Variants in PM20D2 observed in about 807,000 individuals in gnomAD.
PM20D2 encodes peptidase M20 domain containing 2, also known as xaa-Arg dipeptidase.
A neutral mutation model predicts 42.9 loss-of-function variants in PM20D2; 33 were observed. That is an observed-to-expected ratio of 0.77 (90% confidence interval 0.58 to 1.03). PM20D2 has a LOEUF of 1.03. PM20D2 is among the 50% of genes least tolerant of loss of function. PM20D2 has a pLI of 0.00. For missense variants in PM20D2, 548 were observed against 557.0 expected (o/e 0.98, Z 0.16); for synonymous variants, 250 against 228.2 (o/e 1.10, Z -0.86).
At chr6:89,151,851 G>A (rs1179057765) in intron 2 of PM20D2, among the ~76,000 whole-genome samples, 3 of 152,164 alleles carry the variant, frequency 2.0e-5, no homozygotes, top group South Asian at 2.1e-4. Context: ...ACTTAGGGAC[G>A]TCAAGGCAGG....
the PM20D2 span, among the ~76,000 whole-genome samples, chr6:89,106,221 T>C: frequency 6.6e-6 from 1 of 152,124 alleles, no homozygotes; most frequent in Non-Finnish European, 1.5e-5. Flanking sequence ...CAAGAGATTC[T>C]CCCGCCTCAG....
intron 4 of PM20D2, among the ~76,000 whole-genome samples, chr6:89,155,758 G>A (rs1771025754): frequency 6.6e-6 from 1 of 152,154 alleles, no homozygotes; most frequent in African/African-American, 2.4e-5. Flanking sequence ...GCCCAGGCTG[G>A]AGCGCAGTGG....
the PM20D2 span, among the ~76,000 whole-genome samples, chr6:89,099,521 C>T: frequency 7.3e-6 from 1 of 137,904 alleles, no homozygotes; most frequent in African/African-American, 2.8e-5. Context: ...TATATACACA[C>T]ACACACACAC....
At chr6:89,141,340 G>A (rs1351680259), upstream of PM20D2, among the ~76,000 whole-genome samples, 1 of 152,014 alleles carries the variant, frequency 6.6e-6, no homozygotes, top group Non-Finnish European at 1.5e-5. Flanking sequence ...CTTGGACTTT[G>A]CAAGAGCCTT....
chr6:89,119,003 C>T, the PM20D2 span, among the ~76,000 whole-genome samples: 1 of 152,188 alleles, frequency 6.6e-6, no homozygotes, highest in East Asian at 1.9e-4. Context: ...CCAGGCAACT[C>T]CTAAGTGTGA....
the PM20D2 span, among the ~76,000 whole-genome samples, chr6:89,107,486 T>A: frequency 6.6e-6 from 1 of 152,120 alleles, no homozygotes; most frequent in Non-Finnish European, 1.5e-5. Flanking sequence ...TCCCAGCACT[T>A]TGGGGGACCA....
At chr6:89,099,538 G>GTTTT in the PM20D2 span, among the ~76,000 whole-genome samples, 1 of 126,234 alleles carries the variant, frequency 7.9e-6, no homozygotes, top group African/African-American at 3.2e-5. Context: ...ACACATACAT[G>GTTTT]TTTTTTTTTT....
chr6:89,131,685 T>C, the PM20D2 span, among the ~76,000 whole-genome samples: 1 of 152,284 alleles, frequency 6.6e-6, no homozygotes, highest in Non-Finnish European at 1.5e-5. Flanking sequence ...TTGGTAGAAC[T>C]CTGTGGTGGG....
At chr6:89,130,033 G>A in the PM20D2 span, among the ~76,000 whole-genome samples, 1 of 148,200 alleles carries the variant, frequency 6.7e-6, no homozygotes, top group East Asian at 1.9e-4. Flanking sequence ...ACTGTGCCTG[G>A]CTCTTCTCTT....
In PM20D2 at chr6:89,162,225, A is replaced by C; in HGVS notation, c.1273A>C (p.Lys425Gln). 6.2e-7 allele frequency: 1 copy of C among 1,614,062 alleles called. No individual in the cohort carries two copies. Among genetic ancestry groups the C allele is most frequent in the South Asian group, 1.1e-5 (1 of 91,042 alleles). ...LEGIREDFKLKLQEEQFVNAV... is the reference protein window; with the variant it reads ...LEGIREDFKLQLQEEQFVNAV... ...AGGAATCAGAGAGGACTTTAAACTG[A>C]AACTTCAAGAAGAACAGTTTGTAAA... The change falls in exon 7 of 7, where the codon AAA becomes CAA. Residue 425 changes from lysine (K) to glutamine (Q), a missense_variant. By Grantham distance (53) the Lys-to-Gln change is moderately conservative. This residue lies in a region of PM20D2 where 71 missense variants were observed against 69.7 expected (regional missense o/e 1.02). Transcript: ENST00000275072.
At chr6:89,104,394 C>T in the PM20D2 span, among the ~76,000 whole-genome samples, 1 of 152,084 alleles carries the variant, frequency 6.6e-6, no homozygotes. Flanking sequence ...GTGGCTACCA[C>T]ACCCAGCTAA....
the PM20D2 span, among the ~76,000 whole-genome samples, chr6:89,104,942 G>A: frequency 5.9e-5 from 9 of 152,152 alleles, no homozygotes; most frequent in South Asian, 2.1e-4. Context: ...TGTAGTACCC[G>A]CTACTTGGGA....
At chr6:89,138,016 C>G in the PM20D2 span, among the ~76,000 whole-genome samples, 2 of 151,242 alleles carry the variant, frequency 1.3e-5, no homozygotes, top group Non-Finnish European at 2.9e-5. Context: ...TTGTCTTGTA[C>G]TAACCCTTGG....
At chr6:89,125,649 G>A in the PM20D2 span, among the ~76,000 whole-genome samples, 5 of 151,984 alleles carry the variant, frequency 3.3e-5, no homozygotes, top group Admixed American at 2.6e-4. Context: ...CGGGCGTGGT[G>A]GCGGGTGCCT....
At chr6:89,128,401 A>C in the PM20D2 span, among the ~76,000 whole-genome samples, 1 of 147,660 alleles carries the variant, frequency 6.8e-6, no homozygotes, top group African/African-American at 2.7e-5. Flanking sequence ...TGGTCAGATC[A>C]GTTCTCTGCT....
chr6:89,138,335 A>C, the PM20D2 span, among the ~76,000 whole-genome samples: 1 of 152,178 alleles, frequency 6.6e-6, no homozygotes, highest in Non-Finnish European at 1.5e-5. Flanking sequence ...GCCAACAACA[A>C]CACTCGGGTA....
chr6:89,161,626 C>T lies in PM20D2; in HGVS notation c.1049-157C>T, dbSNP rs556383812. Among the ~76,000 whole-genome samples, 5 of 152,284 alleles carry T rather than the reference C, an allele frequency of 3.3e-5. 1 individual carries two copies. In the South Asian group the frequency reaches 1.0e-3, roughly 32 times the overall value. On this transcript the variant is annotated intron_variant, in intron 5 of 6. Coordinates refer to ENST00000275072, the MANE Select transcript of PM20D2 (RefSeq NM_001010853.3). ...GATACAGGGGAGTGGGTGGCAGACT[C>T]AGTGGAAGGTGAGCCCATGAAAGCA...
chr6:89,131,479 G>T, the PM20D2 span, among the ~76,000 whole-genome samples: 11 of 152,084 alleles, frequency 7.2e-5, no homozygotes, highest in South Asian at 1.7e-3. Context: ...TTTCAGCTCA[G>T]GAGTACAAGA....
chr6:89,139,439 C>G, the PM20D2 span, among the ~76,000 whole-genome samples: 1 of 152,146 alleles, frequency 6.6e-6, no homozygotes, highest in East Asian at 1.9e-4. Context: ...TGCACGAACT[C>G]CTAGGCTCAA....
Sources: allele counts gnomAD v4.1 joint callset (sites outside exome capture counted in the v4.1 genomes callset), GRCh38; gene constraint gnomAD v4.1.1; regional missense constraint gnomAD v4.1.1; transcripts MANE v1.5; gene names NCBI Gene and HGNC (gene_info 2026-07-23, HGNC 2026-07-21).